Variants in SPECC1L observed in about 807,000 individuals in gnomAD.
SPECC1L encodes the protein cytospin-A.
In SPECC1L, 40 loss-of-function variants were observed where a neutral mutation model predicts 116.8. That is an observed-to-expected ratio of 0.34 (90% CI 0.27 to 0.45). The LOEUF (loss-of-function observed/expected upper bound fraction) is 0.45. Among genes scored for constraint, SPECC1L ranks in the 20% least tolerant of loss-of-function variants. The probability of loss-of-function intolerance (pLI) is 1.00; values close to 1 mark genes in which losing one functional copy is unlikely to be tolerated. For synonymous variants in SPECC1L, 504 were observed against 500.6 expected (o/e 1.01, Z -0.09); for missense variants, 1,110 against 1,373.6 (o/e 0.81, Z 3.03).
intron 2 of SPECC1L, among the ~76,000 whole-genome samples, chr22:24,298,246 T>C (rs2049306173): frequency 6.6e-6 from 1 of 152,226 alleles, no homozygotes; most frequent in African/African-American, 2.4e-5. Flanking sequence ...GGCTAAGCTA[T>C]GACGTTCAGT....
At chr22:24,330,715 T>A (rs751476434) in intron 8 of SPECC1L, among the ~76,000 whole-genome samples, 6 of 152,186 alleles carry the variant, frequency 3.9e-5, no homozygotes, top group Non-Finnish European at 8.8e-5. Context: ...AGTCCAGCCC[T>A]GTTAATTTTC....
chr22:24,412,474 G>A (rs1479657829), intron 15 of SPECC1L, 174 bp from the exon 16 acceptor site: 2 of 691,846 alleles, frequency 2.9e-6, no homozygotes, highest in African/African-American at 3.5e-5. Flanking sequence ...GCCGGGCCTA[G>A]TGCAGGGTAC....
intron 2 of SPECC1L, among the ~76,000 whole-genome samples, 175 bp from the exon 3 acceptor site, chr22:24,302,020 T>A (rs535767147): frequency 3.3e-5 from 5 of 151,672 alleles, no homozygotes; most frequent in African/African-American, 1.2e-4. Flanking sequence ...CACTCCAGCC[T>A]GGGTGACAGA....
chr22:24,328,216 A>C (rs2040869399), intron 6 of SPECC1L, among the ~76,000 whole-genome samples: 1 of 152,166 alleles, frequency 6.6e-6, no homozygotes, highest in African/African-American at 2.4e-5. Context: ...CTAGAATGGT[A>C]CTTTGCATCT....
Position 24,363,148 on chromosome 22 carries a change from G to A in SPECC1L, c.2744-113G>A, listed in dbSNP as rs1189667338. The A allele has an allele frequency of 1.7e-5, 16 of 924,170 alleles. No homozygotes were observed. The East Asian group carries it at 3.6e-4, about 21-fold the overall frequency. The allele number at this position is 924,170 out of a possible 1,614,324, so 57.2% of individuals were successfully genotyped here. A position where few individuals can be genotyped will look rare whatever the true frequency, so the allele number is the denominator to read the frequency against. Reference sequence around the variant, plus strand: ...AAATTGTTGAAGTTCCCTGGATTGGGAAGAAGGATGAGCTTCAAGGCTGAA... The same window carrying A: ...AAATTGTTGAAGTTCCCTGGATTGGAAAGAAGGATGAGCTTCAAGGCTGAA... On this transcript the variant is annotated intron_variant, in intron 11 of 16. Transcript: ENST00000314328.
intron 10 of SPECC1L, among the ~76,000 whole-genome samples, chr22:24,345,702 C>T (rs1254720647): frequency 6.6e-6 from 1 of 152,180 alleles, no homozygotes; most frequent in South Asian, 2.1e-4. Flanking sequence ...ATTAAATCCA[C>T]AATGAGATCC....
chr22:24,311,467 C>T (rs1187382656), intron 3 of SPECC1L, among the ~76,000 whole-genome samples: 2 of 152,124 alleles, frequency 1.3e-5, no homozygotes, highest in East Asian at 3.9e-4. Context: ...GTGACTTCGG[C>T]ATCATAGTTG....
chr22:24,315,738 A>G (rs1169180194), intron 4 of SPECC1L, among the ~76,000 whole-genome samples: 1 of 152,242 alleles, frequency 6.6e-6, no homozygotes, highest in African/African-American at 2.4e-5. Context: ...GGGATGTCAT[A>G]ACAAAATACC....
intron 11 of SPECC1L, among the ~76,000 whole-genome samples, chr22:24,358,657 C>T (rs770250874): frequency 1.4e-4 from 22 of 152,156 alleles, no homozygotes; most frequent in Non-Finnish European, 2.8e-4. Context: ...GTATTTTCCC[C>T]ACAGCCTCAC....
intron 3 of SPECC1L, among the ~76,000 whole-genome samples, chr22:24,306,769 C>G (rs1231172230): frequency 6.6e-6 from 1 of 152,164 alleles, no homozygotes; most frequent in Non-Finnish European, 1.5e-5. Flanking sequence ...TGTCATCTTG[C>G]TAAACTGAAT....
chr22:24,323,902 T>G (rs977860687), intron 5 of SPECC1L, among the ~76,000 whole-genome samples: 2 of 152,224 alleles, frequency 1.3e-5, no homozygotes. Flanking sequence ...TGTTAATCAT[T>G]AAACAAACGT....
At chr22:24,391,164 T>G (rs1345753156) in intron 14 of SPECC1L, among the ~76,000 whole-genome samples, 2 of 152,006 alleles carry the variant, frequency 1.3e-5, no homozygotes, top group African/African-American at 4.8e-5. Context: ...TGTGAGCCAC[T>G]GCGCCCGGCC....
At chr22:24,272,317 T>G (rs1358141961) in intron 1 of SPECC1L, among the ~76,000 whole-genome samples, 2 of 151,728 alleles carry the variant, frequency 1.3e-5, no homozygotes, top group East Asian at 3.9e-4. Flanking sequence ...GTGAGCCGAG[T>G]TCGCGCCACT....
intron 14 of SPECC1L, among the ~76,000 whole-genome samples, chr22:24,397,730 G>A (rs1203179938): frequency 6.6e-6 from 1 of 152,024 alleles, no homozygotes; most frequent in Non-Finnish European, 1.5e-5. Flanking sequence ...TATATACTTT[G>A]CCCATCCTGT....
chr22:24,341,967 G>C (rs977531091), intron 10 of SPECC1L, among the ~76,000 whole-genome samples: 1 of 152,168 alleles, frequency 6.6e-6, no homozygotes, highest in African/African-American at 2.4e-5. Flanking sequence ...CTGACAACCT[G>C]ATTGCCTCCT....
intron 10 of SPECC1L, among the ~76,000 whole-genome samples, chr22:24,344,467 C>T (rs892240845): frequency 3.9e-5 from 6 of 151,924 alleles, no homozygotes; most frequent in African/African-American, 9.7e-5. Context: ...CCACAGCTAA[C>T]GTCATACTTA....
intron 10 of SPECC1L, 25 bp from the exon 11 acceptor site, chr22:24,347,061 G>A (rs928226970): frequency 7.0e-6 from 11 of 1,571,996 alleles, no homozygotes; most frequent in Non-Finnish European, 7.0e-6. Flanking sequence ...TTTTAACTTT[G>A]ATGTTGTTTA....
In SPECC1L at chr22:24,308,401, G is replaced by A. The variant is rs141334137; in HGVS notation, c.154-4912G>A. 1.4e-3 allele frequency among the ~76,000 whole-genome samples: 207 copies of A among 152,296 alleles called. 2 individuals are homozygous for A. The highest frequency in any genetic ancestry group is 6.8e-3 in the Middle Eastern group (2 of 294). On this transcript the variant is annotated intron_variant, in intron 3 of 16. Coordinates refer to ENST00000314328, the MANE Select transcript of SPECC1L (RefSeq NM_015330.6). ...TATCACCTTGACATTTCTAAGGAGC[G>A]AAAGGCAGTTATTTGATAGGCTGCC...
chr22:24,381,738 G>T (rs146692125), intron 14 of SPECC1L, among the ~76,000 whole-genome samples: 1,798 of 152,044 alleles, frequency 0.012, 38 homozygotes, highest in African/African-American at 0.041. Flanking sequence ...CAAAAAATTA[G>T]CCAGGCGTGG....
Sources: gnomAD v4.1 joint callset for allele counts (sites outside exome capture counted in the v4.1 genomes callset) on GRCh38, gnomAD v4.1.1 for gene constraint, MANE v1.5 for transcripts, NCBI Gene and HGNC (gene_info 2026-07-23, HGNC 2026-07-21) for gene names.